Variants in PLCD4 observed in about 807,000 individuals in gnomAD.
The protein encoded by PLCD4 is 1-phosphatidylinositol 4,5-bisphosphate phosphodiesterase delta-4.
Under a neutral mutation model 90.2 loss-of-function variants are expected in PLCD4, and 63 were observed. The observed-to-expected ratio is 0.70, with a 90% CI of 0.57 to 0.86. The LOEUF is 0.86. Among genes scored for constraint, PLCD4 ranks in the 40% least tolerant of loss-of-function variants. PLCD4 has a pLI of 0.00. For missense variants in PLCD4, 830 were observed against 956.3 expected (o/e 0.87, Z 1.74); for synonymous variants, 294 against 356.5 (o/e 0.82, Z 1.97).
intron 1 of PLCD4, among the ~76,000 whole-genome samples, chr2:218,611,426 G>C (rs535746100): frequency 6.6e-6 from 1 of 152,128 alleles, no homozygotes; most frequent in African/African-American, 2.4e-5. Flanking sequence ...GGACACAGGC[G>C]TAAGGGAAGG....
chr2:218,619,722 G>A (rs1406712940), intron 4 of PLCD4, among the ~76,000 whole-genome samples: 2 of 152,098 alleles, frequency 1.3e-5, no homozygotes, highest in Non-Finnish European at 2.9e-5. Flanking sequence ...ATCACTTGAG[G>A]CAGGCAGATC....
rs1258271455 is a variant in PLCD4 at position 218,636,685 on chromosome 2, T to C, written c.*108T>C. Reference sequence around the variant, plus strand: ...AGGTGGTGAAAATCAAGCTTTGGATTGTGCATTCCTAGGCACAAAATTACC... The same window carrying C: ...AGGTGGTGAAAATCAAGCTTTGGATCGTGCATTCCTAGGCACAAAATTACC... On this transcript the variant is annotated 3_prime_UTR_variant, in exon 16 of 16. Coordinates refer to ENST00000450993, the MANE Select transcript of PLCD4 (RefSeq NM_032726.4). 5.8e-6 allele frequency: 7 copies of C among 1,215,596 alleles called. No individual in the cohort carries two copies. The highest frequency in any genetic ancestry group is 8.2e-6 in the Non-Finnish European group (7 of 856,460). 75.3% of individuals were successfully genotyped at this position (1,215,596 alleles called of 1,614,324 possible).
intron 3 of PLCD4, among the ~76,000 whole-genome samples, chr2:218,618,052 A>C (rs186239591): frequency 0.027 from 4,070 of 152,222 alleles, 179 homozygotes; most frequent in African/African-American, 0.093. Flanking sequence ...GCGCCACTGC[A>C]CTCCAGCCTG....
rs1359819288 is a variant in PLCD4 at position 218,628,169 on chromosome 2, C to T, written c.913C>T (p.His305Tyr). ...PLNHYFICSS[H>Y]NTYLVGDQLC... is the part of the protein sequence containing the mutation. ...GAACCACTACTTCATCTGCTCTTCTCATAACACCTACCTAGTGGGGGACCA... is the reference window on the plus strand; with the variant it reads ...GAACCACTACTTCATCTGCTCTTCTTATAACACCTACCTAGTGGGGGACCA... The change falls in exon 7 of 16, where the codon CAT becomes TAT. Residue 305 changes from histidine (H) to tyrosine (Y), a missense_variant. Coordinates refer to ENST00000450993, the MANE Select transcript of PLCD4 (RefSeq NM_032726.4). 6 of 1,613,930 alleles carry T rather than the reference C, an allele frequency of 3.7e-6. No individual in the cohort carries two copies. Among genetic ancestry groups the T allele is most frequent in the Admixed American group, 1.7e-5 (1 of 60,008 alleles).
chr2:218,625,172 C>G (rs1696063595), intron 6 of PLCD4, among the ~76,000 whole-genome samples: 1 of 149,210 alleles, frequency 6.7e-6, no homozygotes, highest in African/African-American at 2.5e-5. Context: ...CTTTTGTTAC[C>G]TGTGCAGAAT....
chr2:218,613,500 A>G (rs909801417), intron 1 of PLCD4, among the ~76,000 whole-genome samples: 8 of 152,014 alleles, frequency 5.3e-5, no homozygotes, highest in African/African-American at 1.9e-4. Context: ...CTTTGCTTAC[A>G]CAAAAGCATA....
At chr2:218,629,703 G>T (rs766443709) in intron 8 of PLCD4, 40 bp downstream of exon 8, 1 of 1,594,302 alleles carries the variant, frequency 6.3e-7, no homozygotes, top group Non-Finnish European at 8.6e-7. Context: ...AGGCCAGAAG[G>T]TCTGAGGGAA....
chr2:218,615,657 A>C, intron 1 of PLCD4, 50 bp from the exon 2 acceptor site: 2 of 1,467,034 alleles, frequency 1.4e-6, no homozygotes, highest in Non-Finnish European at 1.8e-6. Flanking sequence ...TCAGCTACAG[A>C]CTATCTTCAA....
At chr2:218,627,101 G>GA (rs963417219) in intron 6 of PLCD4, among the ~76,000 whole-genome samples, 56 of 140,210 alleles carry the variant, frequency 4.0e-4, no homozygotes, top group East Asian at 1.3e-3. Flanking sequence ...AAAATACAAA[G>GA]AAAAAAAAAA....
chr2:218,622,995 T>C (rs1695953431), intron 6 of PLCD4, 117 bp downstream of exon 6: 2 of 854,124 alleles, frequency 2.3e-6, no homozygotes. Context: ...ATCCCTATCC[T>C]GACCCCTGCC....
At chr2:218,629,209 C>T in intron 7 of PLCD4, 1 of 243,130 alleles carries the variant, frequency 4.1e-6, no homozygotes, top group South Asian at 8.0e-5. Context: ...GATTTAGACC[C>T]TGTCTCAAAA....
At chr2:218,618,346 T>C (rs1223431762) in intron 3 of PLCD4, among the ~76,000 whole-genome samples, 4 of 152,220 alleles carry the variant, frequency 2.6e-5, no homozygotes, top group Non-Finnish European at 5.9e-5. Context: ...TCTTGCCACT[T>C]CCAGTACAGG....
intron 1 of PLCD4, among the ~76,000 whole-genome samples, chr2:218,615,015 T>G (rs1392321937): frequency 6.6e-6 from 1 of 151,020 alleles, no homozygotes; most frequent in East Asian, 2.0e-4. Flanking sequence ...GATCACGAGG[T>G]CAGGAGATTG....
At position 218,622,575 on chromosome 2, in the gene PLCD4, A is replaced by T. The variant is rs879038701; in HGVS notation, c.541-72A>T. On this transcript the variant is annotated intron_variant, in intron 5 of 15. Transcript: ENST00000450993. ...ATGTACCCAGAAAAATTTAAAAAAA[A>T]ATTTTTTTAATTAAAAAGATAACAT... 2.4e-4 allele frequency: 269 copies of T among 1,135,802 alleles called. 1 individual carries two copies. Among genetic ancestry groups the T allele is most frequent in the Middle Eastern group, 5.1e-4 (2 of 3,896 alleles). 70.4% of individuals were successfully genotyped at this position (1,135,802 alleles called of 1,614,324 possible).
intron 9 of PLCD4, 32 bp downstream of exon 9, chr2:218,630,834 G>A: frequency 6.3e-7 from 1 of 1,576,238 alleles, no homozygotes; most frequent in Non-Finnish European, 8.6e-7. Flanking sequence ...CCCAGGCTCT[G>A]CTGTGGCTTC....
rs925450037 is a variant in PLCD4 at position 218,629,370 on chromosome 2, A to T, written c.975-149A>T. ...TGAGCTTGCAGCAGTGTCCCCATGG[A>T]TGGAGAAGGCTCTATGCAGATGTAG... On this transcript the variant is annotated intron_variant, in intron 7 of 15. Transcript: ENST00000450993. The T allele has an allele frequency of 1.8e-5, 16 of 876,036 alleles. No individual in the cohort carries two copies. In the Admixed American group the frequency reaches 4.5e-4, roughly 24 times the overall value. 54.3% of individuals were successfully genotyped at this position (876,036 alleles called of 1,614,324 possible). A position where few individuals can be genotyped will look rare whatever the true frequency, so the allele number is the denominator to read the frequency against.
intron 1 of PLCD4, among the ~76,000 whole-genome samples, chr2:218,614,325 A>AT (rs1170278699): frequency 7.0e-6 from 1 of 141,892 alleles, no homozygotes; most frequent in African/African-American, 2.6e-5. Flanking sequence ...AGCCTTTTGT[A>AT]TTTTTTTAGT....
rs925256164 is a variant in PLCD4, at chr2:218,636,786, A to T, written c.*209A>T. On this transcript the variant is annotated 3_prime_UTR_variant, in exon 16 of 16. Coordinates refer to ENST00000450993, the MANE Select transcript of PLCD4 (RefSeq NM_032726.4). ...TTTTCTTCCCTTCCTTTGTTTTCATAAGCCTTTGGTATCTTTCCTGCCCTT... is the reference window on the plus strand; with the variant it reads ...TTTTCTTCCCTTCCTTTGTTTTCATTAGCCTTTGGTATCTTTCCTGCCCTT... 13 of 637,410 alleles carry T rather than the reference A, an allele frequency of 2.0e-5. No individual in the cohort carries two copies. In the African/African-American group the frequency reaches 2.2e-4, roughly 11 times the overall value. 39.5% of individuals were successfully genotyped at this position (637,410 alleles called of 1,614,324 possible).
At position 218,634,679 on chromosome 2, in the gene PLCD4, A is replaced by G. The variant is rs1348040972; in HGVS notation, c.1896+49A>G. The G allele has an allele frequency of 6.3e-7, 1 of 1,590,862 alleles. No individual in the cohort carries two copies. Among genetic ancestry groups the G allele is most frequent in the Admixed American group, 1.7e-5 (1 of 58,242 alleles). On this transcript the variant is annotated intron_variant, in intron 13 of 15. Coordinates refer to ENST00000450993, the MANE Select transcript of PLCD4 (RefSeq NM_032726.4). This position sits in a 1 kb window ranked among gnomAD's most constrained non-coding sequence, Gnocchi z 4.0. ...GAAGAAACTGAGATAACTGGGATAGAAGTGAGGGAAGAGGTGGCTAGGCCT... is the reference window on the plus strand; with the variant it reads ...GAAGAAACTGAGATAACTGGGATAGGAGTGAGGGAAGAGGTGGCTAGGCCT...
Sources: allele counts gnomAD v4.1 joint callset (sites outside exome capture counted in the v4.1 genomes callset), GRCh38; gene constraint gnomAD v4.1.1; non-coding constraint Gnocchi (gnomAD v3.1); transcripts MANE v1.5; gene names NCBI Gene and HGNC (gene_info 2026-07-23, HGNC 2026-07-21).